WNK2: variants seen among roughly 807,000 people sequenced by gnomAD.
WNK2 encodes serine/threonine-protein kinase WNK2.
Under a neutral mutation model 192.1 loss-of-function variants are expected in WNK2, and 67 were observed. The ratio of observed to expected loss-of-function variants is 0.35; its 90% CI spans 0.29 to 0.43. The LOEUF (loss-of-function observed/expected upper bound fraction) is 0.43, where lower values mean the gene tolerates loss of function less well. Ranked by LOEUF, WNK2 falls within the 20% of genes least tolerant of loss-of-function variation. The pLI is 1.00. For missense variants in WNK2, 2,698 were observed against 3,089.7 expected, an observed-to-expected ratio of 0.87 and a Z score of 3.01; for synonymous variants, 1,439 against 1,393.9, an observed-to-expected ratio of 1.03 and a Z score of -0.72.
intron 13 of WNK2, among the ~76,000 whole-genome samples, chr9:93,262,462 C>A (rs550935446): frequency 6.6e-6 from 1 of 152,224 alleles, no homozygotes; most frequent in African/African-American, 2.4e-5. Flanking sequence ...CGGGTCCAAG[C>A]GTTTCAACAA....
At chr9:93,308,261 G>A in intron 27 of WNK2, 67 bp from the exon 28 acceptor site, 1 of 1,506,710 alleles carries the variant, frequency 6.6e-7, no homozygotes, top group Non-Finnish European at 8.9e-7. Flanking sequence ...AATGAATGCG[G>A]CCAGCCCACT....
chr9:93,206,165 C>G (rs1019486712), intron 2 of WNK2, among the ~76,000 whole-genome samples: 7 of 152,196 alleles, frequency 4.6e-5, no homozygotes, highest in African/African-American at 1.7e-4. Flanking sequence ...TCCTCCCTGC[C>G]AAGGCCCATG....
intron 28 of WNK2, chr9:93,309,054 T>C (rs1214592262): frequency 2.0e-6 from 2 of 992,862 alleles, no homozygotes; most frequent in Admixed American, 5.9e-5. Flanking sequence ...GAGGACCTGC[T>C]GTCCTAGGTT....
chr9:93,314,317 G>A (rs1207832126), intron 28 of WNK2, among the ~76,000 whole-genome samples: 2 of 150,742 alleles, frequency 1.3e-5, no homozygotes, highest in South Asian at 2.1e-4. Flanking sequence ...GCATGGTGGT[G>A]CATACCTATA....
Position 93,263,713 on chromosome 9 carries a change from G to T in WNK2, c.3558G>T (p.Arg1186=). The T allele has an allele frequency of 6.6e-7, 1 of 1,521,566 alleles. No individual in the cohort carries two copies. The highest frequency in any genetic ancestry group is 8.8e-7 in the Non-Finnish European group (1 of 1,139,102). The allele number at this position is 1,521,566 out of a possible 1,614,324, so 94.3% of individuals were successfully genotyped here. ...RARSRQERAS[R]PRLTILNVCN... ...GCTCCCGGCAGGAGAGGGCCAGCCG[G>T]CCCCGGCTTACCATCTTGAACGTGA... The change falls in exon 15 of 30, where the codon CGG becomes CGT. Residue 1186 remains arginine, a synonymous_variant. Transcript: ENST00000427277.
intron 19 of WNK2, among the ~76,000 whole-genome samples, chr9:93,281,336 T>C (rs1243044809): frequency 4.0e-5 from 6 of 151,030 alleles, no homozygotes; most frequent in African/African-American, 1.5e-4. Context: ...AACAAATGAC[T>C]AGATTGAAAT....
chr9:93,246,296 T>C (rs1290838948), intron 7 of WNK2, among the ~76,000 whole-genome samples: 1 of 152,214 alleles, frequency 6.6e-6, no homozygotes, highest in Admixed American at 6.5e-5. Flanking sequence ...CTGCCCAGCC[T>C]TGAGCTGCCG....
intron 18 of WNK2, among the ~76,000 whole-genome samples, 185 bp downstream of exon 18, chr9:93,268,250 C>T (rs972446145): frequency 2.6e-5 from 4 of 152,166 alleles, no homozygotes; most frequent in Admixed American, 2.6e-4. Context: ...TCACGGCCTT[C>T]ATGGATGGTG....
At chr9:93,301,884 T>G (rs1851677193) in intron 26 of WNK2, among the ~76,000 whole-genome samples, 1 of 152,204 alleles carries the variant, frequency 6.6e-6, no homozygotes, top group African/African-American at 2.4e-5. Flanking sequence ...TTAGTCTTTT[T>G]GGGCCATAAT....
At chr9:93,310,750 A>C (rs117678406) in intron 28 of WNK2, among the ~76,000 whole-genome samples, 6 of 152,238 alleles carry the variant, frequency 3.9e-5, no homozygotes, top group Non-Finnish European at 8.8e-5. Context: ...TGAATGGTTT[A>C]TTTCATTTGA....
At chr9:93,261,339 G>C (rs529355804) in intron 12 of WNK2, among the ~76,000 whole-genome samples, 103 of 152,340 alleles carry the variant, frequency 6.8e-4, no homozygotes, top group African/African-American at 2.3e-3. Context: ...CTGCCAAGGA[G>C]CTTTTAGAGA....
At chr9:93,212,367 C>T (rs931256668) in intron 2 of WNK2, among the ~76,000 whole-genome samples, 4 of 152,136 alleles carry the variant, frequency 2.6e-5, no homozygotes, top group African/African-American at 7.2e-5. Flanking sequence ...CAGTGTGTGG[C>T]CCCCCAGCAG....
At chr9:93,309,153 T>G (rs1853177721) in intron 28 of WNK2, 1 of 982,122 alleles carries the variant, frequency 1.0e-6, no homozygotes, top group East Asian at 1.1e-4. Flanking sequence ...AAGACTGGTG[T>G]TATTTCTATC....
chr9:93,311,603 G>GT (rs1361696375), intron 28 of WNK2, among the ~76,000 whole-genome samples: 2 of 124,976 alleles, frequency 1.6e-5, no homozygotes, highest in African/African-American at 5.8e-5. Context: ...TCCTTTCTGG[G>GT]TTTTTTTGTT....
chr9:93,246,942 A>G (rs547877029), intron 7 of WNK2, among the ~76,000 whole-genome samples: 1 of 152,238 alleles, frequency 6.6e-6, no homozygotes, highest in Non-Finnish European at 1.5e-5. Context: ...TATTCCGTGA[A>G]TATTCTTGGC....
intron 2 of WNK2, among the ~76,000 whole-genome samples, chr9:93,207,769 C>G (rs959244641): frequency 6.6e-6 from 1 of 152,246 alleles, no homozygotes; most frequent in Admixed American, 6.5e-5. Flanking sequence ...CCGGCACCCA[C>G]GCCCTCTCCA....
rs761769543 is a variant in WNK2, at chr9:93,202,325, CGT to C, written c.681+16756_681+16757del. ...GGGCCTCTGCTGGGCTCCGTGTGCA[CGT>C]GTGTGTGTGTGTGTGTGTGTGTGTG... On this transcript the variant is annotated intron_variant, in intron 2 of 29. Coordinates refer to ENST00000427277, the MANE Select transcript of WNK2 (RefSeq NM_006648.4). Among the ~76,000 whole-genome samples, 694 of 130,578 alleles carry C rather than the reference CGT, an allele frequency of 5.3e-3. 3 individuals carry two copies. The highest frequency in any genetic ancestry group is 0.015 in the Middle Eastern group (4 of 262). 85.7% of individuals were successfully genotyped at this position (130,578 alleles called of 152,430 possible).
chr9:93,292,824 G>C lies in WNK2; in HGVS notation c.5359G>C (p.Ala1787Pro), dbSNP rs1242651262. The C allele has an allele frequency of 6.6e-7, 1 of 1,524,876 alleles. No individual in the cohort carries two copies. The highest frequency in any genetic ancestry group is 8.8e-7 in the Non-Finnish European group (1 of 1,135,284). The allele number at this position is 1,524,876 out of a possible 1,614,324, so 94.5% of individuals were successfully genotyped here. ...CCCCTCCAGCCCCGACGTGAAGCTG[G>C]CAGTGCGGCGGGCGCAGACGGCCTC... ...EAPSSPDVKL[A>P]VRRAQTASSI... The change falls in exon 23 of 30, where the codon GCA becomes CCA. Residue 1787 changes from alanine (A) to proline (P), a missense_variant. By Grantham distance (27) the Ala-to-Pro change is conservative. Around this residue, in one of 7 missense-constraint regions of WNK2, gnomAD observed 1,098 missense variants for 1,101.0 expected, o/e 1.00. Coordinates refer to ENST00000427277, the MANE Select transcript of WNK2 (RefSeq NM_006648.4).
At chr9:93,268,109 T>A in intron 18 of WNK2, 44 bp downstream of exon 18, 1 of 1,577,556 alleles carries the variant, frequency 6.3e-7, no homozygotes. Context: ...AGGCGTTTGA[T>A]GAAAGTCCCC....
Sources: gnomAD v4.1 joint callset for allele counts (sites outside exome capture counted in the v4.1 genomes callset) on GRCh38, gnomAD v4.1.1 for gene constraint, gnomAD v4.1.1 regional missense constraint, MANE v1.5 for transcripts, NCBI Gene and HGNC (gene_info 2026-07-23, HGNC 2026-07-21) for gene names.